The following MYOM3 variants were observed in gnomAD, a reference collection of about 807,000 sequenced individuals.
MYOM3 encodes myomesin-3.
A neutral mutation model predicts 191.7 loss-of-function variants in MYOM3; 155 were observed. The observed-to-expected ratio is 0.81, with a 90% CI of 0.71 to 0.92. The LOEUF (loss-of-function observed/expected upper bound fraction) is 0.92. Ranked by LOEUF, MYOM3 falls within the 40% of genes least tolerant of loss-of-function variation. The pLI is 0.00. For synonymous variants in MYOM3, 757 were observed against 762.9 expected (o/e 0.99, Z 0.13); for missense variants, 1,889 against 1,890.6 (o/e 1.00, Z 0.02).
At chr1:24,088,453 A>T (rs1643773526) in intron 14 of MYOM3, among the ~76,000 whole-genome samples, 1 of 152,200 alleles carries the variant, frequency 6.6e-6, no homozygotes. Flanking sequence ...GGCACAGAGA[A>T]ACTAAGTAAC....
intron 25 of MYOM3, among the ~76,000 whole-genome samples, chr1:24,068,624 T>G (rs1354434557): frequency 2.0e-5 from 3 of 152,130 alleles, no homozygotes; most frequent in Admixed American, 2.0e-4. Context: ...AGTGGAGCGA[T>G]CAGTTACAAT....
At position 24,058,938 on chromosome 1, in the gene MYOM3, T is replaced by C. The variant is rs761189774; in HGVS notation, c.4036A>G (p.Ile1346Val). The C allele has an allele frequency of 6.2e-6, 10 of 1,611,338 alleles. No individual in the cohort carries two copies. The highest frequency in any genetic ancestry group is 1.7e-5 in the Admixed American group (1 of 59,722). Reference protein sequence around the residue: ...VVRGLPDVATIMEDKTLCLTC... With the variant: ...VVRGLPDVATVMEDKTLCLTC... ...AGGGTCAGTACCTTATCTTCCATGATAGTGGCCACATCCGGCAGACCTCTC... is the reference window on the plus strand; with the variant it reads ...AGGGTCAGTACCTTATCTTCCATGACAGTGGCCACATCCGGCAGACCTCTC... The change falls in exon 36 of 37, where the codon ATC (isoleucine) becomes GTC (valine). Residue 1346 changes from isoleucine to valine, a missense_variant. Transcript: ENST00000374434.
rs748696659 is a variant in MYOM3, at chr1:24,091,010, G to T, written c.1233-14C>A. The stretch of plus-strand genomic sequence containing the variant: ...TCGCCCTGGCACCTGTTGGAGACAG[G>T]CCCCCCCTTTCAGCCCCTGCCCACA... On this transcript the variant is annotated splice_polypyrimidine_tract_variant and intron_variant, in intron 11 of 36. Coordinates refer to ENST00000374434, the MANE Select transcript of MYOM3 (RefSeq NM_152372.4). 2.0e-5 allele frequency: 33 copies of T among 1,612,966 alleles called. No individual in the cohort carries two copies. The highest frequency in any genetic ancestry group is 2.7e-5 in the Non-Finnish European group (32 of 1,179,608).
chr1:24,078,081 G>C (rs930222436), intron 20 of MYOM3, among the ~76,000 whole-genome samples: 3 of 152,118 alleles, frequency 2.0e-5, no homozygotes, highest in Non-Finnish European at 1.5e-5. Context: ...CTCTCCCCCA[G>C]AGATGACCAG....
At chr1:24,090,240 T>C in intron 12 of MYOM3, 122 bp from the exon 13 acceptor site, 2 of 785,578 alleles carry the variant, frequency 2.5e-6, no homozygotes, top group Non-Finnish European at 4.3e-6. Flanking sequence ...GCCCTCGCTG[T>C]GCAACCTCAG....
At chr1:24,068,780 G>A (rs368817968) in intron 25 of MYOM3, among the ~76,000 whole-genome samples, 2 of 152,042 alleles carry the variant, frequency 1.3e-5, no homozygotes, top group East Asian at 1.9e-4. Flanking sequence ...CTGGAGTGCA[G>A]TGGCGCAATC....
At position 24,058,960 on chromosome 1, in the gene MYOM3, T is replaced by A. The variant is rs1211029482; in HGVS notation, c.4014A>T (p.Arg1338Ser). The A allele has an allele frequency of 6.2e-7, 1 of 1,612,076 alleles. No individual in the cohort carries two copies. Among genetic ancestry groups the A allele is most frequent in the Non-Finnish European group, 8.5e-7 (1 of 1,179,244 alleles). ...IIEKNRAKVV[R>S]GLPDVATIME... ...TGATAGTGGCCACATCCGGCAGACC[T>A]CTCACCACTTTGGCACGATCTGGAA... The change falls in exon 36 of 37, where the codon AGA (arginine) becomes AGT (serine). Residue 1338 changes from arginine to serine, a missense_variant. By Grantham distance (110) the Arg-to-Ser change is moderately radical. Transcript: ENST00000374434.
chr1:24,093,201 G>A (rs898033357), intron 9 of MYOM3, 93 bp from the exon 10 acceptor site: 4 of 799,384 alleles, frequency 5.0e-6, no homozygotes, highest in African/African-American at 1.7e-5. Context: ...GACCCTGGCT[G>A]GGCAGAGAGA....
rs201198751 is a variant in MYOM3 at position 24,063,535 on chromosome 1, C to T, written c.3623-5G>A. ...CGGTGAAGATGGCATCCAGGGCTGG[C>T]GGGAAACAGAGAGAAGGGTTAGCTG... On this transcript the variant is annotated splice_polypyrimidine_tract_variant and splice_region_variant and intron_variant, in intron 30 of 36. Transcript: ENST00000374434. The surrounding 1 kb of genome is among the most constrained non-coding windows in gnomAD (Gnocchi z 4.5). 72 of 1,614,020 alleles carry T rather than the reference C, an allele frequency of 4.5e-5. No individual in the cohort carries two copies. The highest frequency in any genetic ancestry group is 3.2e-4 in the Admixed American group (19 of 60,008).
intron 29 of MYOM3, 148 bp from the exon 30 acceptor site, chr1:24,064,307 C>G (rs1443589034): frequency 1.7e-6 from 1 of 598,592 alleles, no homozygotes; most frequent in Non-Finnish European, 2.9e-6. Flanking sequence ...CCTCCATTTA[C>G]TCATCTGGGC....
rs1003094767 is a variant in MYOM3 at position 24,096,801 on chromosome 1, C to T, written c.745+1122G>A. ...CCCGGGGGTCCTGGAACTCAGGGCA[C>T]GGCATTCTTCTGGGCCCAAAGGTGT... On this transcript the variant is annotated intron_variant, in intron 7 of 36. Coordinates refer to ENST00000374434, the MANE Select transcript of MYOM3 (RefSeq NM_152372.4). Among the ~76,000 whole-genome samples, 14 of 152,140 alleles carry T rather than the reference C, an allele frequency of 9.2e-5. 1 individual carries two copies. Among genetic ancestry groups the T allele is most frequent in the South Asian group, 6.2e-4 (3 of 4,824 alleles).
At chr1:24,096,741 T>C (rs1416958886) in intron 7 of MYOM3, among the ~76,000 whole-genome samples, 1 of 151,924 alleles carries the variant, frequency 6.6e-6, no homozygotes, top group Non-Finnish European at 1.5e-5. Context: ...CACGTGTGTG[T>C]GTGTGTGTAT....
intron 25 of MYOM3, among the ~76,000 whole-genome samples, chr1:24,068,823 A>G (rs1268861799): frequency 6.6e-6 from 1 of 151,796 alleles, no homozygotes; most frequent in Non-Finnish European, 1.5e-5. Flanking sequence ...TCCCATGTTC[A>G]AGCAATTCTC....
At chr1:24,092,116 C>T in intron 11 of MYOM3, 58 bp downstream of exon 11, 2 of 1,382,194 alleles carry the variant, frequency 1.4e-6, no homozygotes, top group Non-Finnish European at 1.9e-6. Flanking sequence ...TGCTGTGGCT[C>T]CCACCACCAG....
intron 16 of MYOM3, chr1:24,082,915 TA>T (rs763338541): frequency 2.0e-6 from 1 of 506,378 alleles, no homozygotes; most frequent in Non-Finnish European, 3.2e-6. Context: ...CTAAGAGTTT[TA>T]AAGGATGTTT....
Position 24,063,131 on chromosome 1 carries a change from G to A in MYOM3, c.3765C>T (p.Phe1255=), listed in dbSNP as rs145225642. 429 of 1,605,892 alleles carry A rather than the reference G, an allele frequency of 2.7e-4. 1 individual carries two copies. In the East Asian group the frequency reaches 9.4e-3, roughly 35 times the overall value. ...YNVEYMKTTW[F]HKDKRLESGD... is the part of the protein sequence containing the mutation. ...CTGGGGCAAGGCGGACTTACTTGTGGAACCAGGTGGTTTTCATGTACTCCA... is the reference window on the plus strand; with the variant it reads ...CTGGGGCAAGGCGGACTTACTTGTGAAACCAGGTGGTTTTCATGTACTCCA... The change falls in exon 32 of 37, where the codon TTC becomes TTT. Residue 1255 remains phenylalanine (F), a synonymous_variant. Transcript: ENST00000374434. The surrounding 1 kb of genome is among the most constrained non-coding windows in gnomAD (Gnocchi z 4.5).
Position 24,063,552 on chromosome 1 carries a change from G to T in MYOM3, c.3623-22C>A. On this transcript the variant is annotated intron_variant, in intron 30 of 36. Transcript: ENST00000374434. The surrounding 1 kb of genome is among the most constrained non-coding windows in gnomAD (Gnocchi z 4.5). ...AGGGCTGGCGGGAAACAGAGAGAAGGGTTAGCTGGCATAGGGCTCCCCTAG... is the reference window on the plus strand; with the variant it reads ...AGGGCTGGCGGGAAACAGAGAGAAGTGTTAGCTGGCATAGGGCTCCCCTAG... The T allele has an allele frequency of 1.2e-6, 2 of 1,614,104 alleles. No individual in the cohort carries two copies. The highest frequency in any genetic ancestry group is 1.1e-5 in the South Asian group (1 of 91,078).
At chr1:24,057,676 A>G in intron 36 of MYOM3, 49 bp from the exon 37 acceptor site, 1 of 1,578,416 alleles carries the variant, frequency 6.3e-7, no homozygotes, top group South Asian at 1.1e-5. Flanking sequence ...TGTAACTTGA[A>G]CTTAGCATTT....
intron 10 of MYOM3, 37 bp from the exon 11 acceptor site, chr1:24,092,352 A>T: frequency 1.5e-6 from 2 of 1,339,132 alleles, no homozygotes; most frequent in South Asian, 2.5e-5. Flanking sequence ...CCTTCTAGTC[A>T]GTGGCCATTT....
Sources: allele counts gnomAD v4.1 joint callset (sites outside exome capture counted in the v4.1 genomes callset), GRCh38; gene constraint gnomAD v4.1.1; non-coding constraint Gnocchi (gnomAD v3.1); transcripts MANE v1.5; gene names NCBI Gene and HGNC (gene_info 2026-07-23, HGNC 2026-07-21).